KDM4A: variants seen among roughly 807,000 people sequenced by gnomAD.
The protein encoded by KDM4A is lysine-specific demethylase 4A.
Under a neutral mutation model 127.1 loss-of-function variants are expected in KDM4A, and 23 were observed. The ratio of observed to expected loss-of-function variants is 0.18; its 90% CI spans 0.13 to 0.26. The LOEUF is 0.26. KDM4A is among the 10% of genes least tolerant of loss of function. The pLI is 1.00. For synonymous variants in KDM4A, 443 were observed against 466.5 expected, an observed-to-expected ratio of 0.95 and a Z score of 0.65; for missense variants, 890 against 1,329.1, an observed-to-expected ratio of 0.67 and a Z score of 5.14.
In KDM4A at chr1:43,664,916, G is replaced by A. The variant is rs967473021; in HGVS notation, c.624-780G>A. 2.0e-5 allele frequency among the ~76,000 whole-genome samples: 3 copies of A among 152,140 alleles called. No homozygotes were observed. The East Asian group carries it at 5.8e-4, about 29-fold the overall frequency. On this transcript the variant is annotated intron_variant, in intron 5 of 21. Transcript: ENST00000372396. ...CCAGAGTCCTTTAGGTGACATTTTT[G>A]TCAACTCTTCTTCTCTGTTTTGTTT...
At chr1:43,656,147 G>T (rs1336362125) in intron 3 of KDM4A, among the ~76,000 whole-genome samples, 1 of 152,054 alleles carries the variant, frequency 6.6e-6, no homozygotes, top group Non-Finnish European at 1.5e-5. Flanking sequence ...GTGTTTAATT[G>T]TGCTGGAATT....
chr1:43,698,068 G>A (rs1340116021), intron 19 of KDM4A, 55 bp downstream of exon 19: 3 of 1,570,052 alleles, frequency 1.9e-6, no homozygotes, highest in Non-Finnish European at 2.6e-6. Context: ...TGTTTCTAAG[G>A]TCTGGCTGGC....
rs887691626 is a variant in KDM4A, at chr1:43,667,982, G to T, written c.1126G>T (p.Gly376Trp). 1 of 1,614,176 alleles carries T rather than the reference G, an allele frequency of 6.2e-7. No homozygotes were observed. ...GGAGTGCCCAGAGGAGGACATGGAA[G>T]GGGTGGAGGATGGAGAGGAAGGAGA... ...EEECPEEDME[G>W]VEDGEEGDLK... The change falls in exon 9 of 22, where the codon GGG (glycine) becomes TGG (tryptophan). Residue 376 changes from glycine to tryptophan, a missense_variant. Gly to Trp is a radical substitution (Grantham distance 184). Coordinates refer to ENST00000372396, the MANE Select transcript of KDM4A (RefSeq NM_014663.3).
rs1360180522 is a variant in KDM4A at position 43,686,493 on chromosome 1, C to A, written c.1856-2421C>A. On this transcript the variant is annotated intron_variant, in intron 12 of 21. Coordinates refer to ENST00000372396, the MANE Select transcript of KDM4A (RefSeq NM_014663.3). ...CTAGGATTACAGGTGTGTGCTACGA[C>A]GCCCAGCTAATTTTTGTATCTTTAG... Among the ~76,000 whole-genome samples the A allele has an allele frequency of 2.0e-5, 3 of 152,002 alleles. No individual in the cohort carries two copies. In the South Asian group the frequency reaches 6.2e-4, roughly 32 times the overall value.
In KDM4A at chr1:43,678,587, GT is replaced by G. The variant is rs35182358; in HGVS notation, c.1735-5079del. ...GACAGGAGGGGATGGCTGCAGATAG[GT>G]TTTTTTTTTTTTTTTTTGAGAAAAG... On this transcript the variant is annotated intron_variant, in intron 11 of 21. Transcript: ENST00000372396. Among the ~76,000 whole-genome samples, 1,249 of 134,494 alleles carry G rather than the reference GT, an allele frequency of 9.3e-3. 12 individuals are homozygous for G. Among genetic ancestry groups the G allele is most frequent in the African/African-American group, 0.026 (963 of 36,710 alleles). The allele number at this position is 134,494 out of a possible 152,430, so 88.2% of individuals were successfully genotyped here.
chr1:43,653,021 A>C, intron 1 of KDM4A, 116 bp from the exon 2 acceptor site: 1 of 532,334 alleles, frequency 1.9e-6, no homozygotes, highest in Non-Finnish European at 3.0e-6. Flanking sequence ...CCAGGTGTGA[A>C]GTCTTAACTG....
At chr1:43,659,874 T>C (rs1208172979) in intron 3 of KDM4A, among the ~76,000 whole-genome samples, 1 of 152,178 alleles carries the variant, frequency 6.6e-6, no homozygotes, top group Non-Finnish European at 1.5e-5. Flanking sequence ...TTTGGCTGGT[T>C]CAGGGAGGTG....
chr1:43,663,142 T>C, intron 5 of KDM4A, 55 bp downstream of exon 5: 1 of 1,498,336 alleles, frequency 6.7e-7, no homozygotes, highest in Non-Finnish European at 9.1e-7. Context: ...CGGGCTCATG[T>C]TCATTGTGCG....
chr1:43,658,511 T>TTG (rs955262620), intron 3 of KDM4A, among the ~76,000 whole-genome samples: 1 of 150,686 alleles, frequency 6.6e-6, no homozygotes, highest in African/African-American at 2.4e-5. Flanking sequence ...GATTTTTTTT[T>TTG]TTTTTTTTTT....
intron 19 of KDM4A, among the ~76,000 whole-genome samples, chr1:43,700,261 G>A (rs1222708996): frequency 6.6e-6 from 1 of 152,066 alleles, no homozygotes; most frequent in Non-Finnish European, 1.5e-5. Flanking sequence ...CCAAGTAGCT[G>A]GGACTACAGG....
intron 5 of KDM4A, among the ~76,000 whole-genome samples, chr1:43,663,942 C>T (rs544837714): frequency 6.6e-6 from 1 of 152,210 alleles, no homozygotes; most frequent in South Asian, 2.1e-4. Context: ...CCCATCTCAG[C>T]ATTTTAGTGA....
chr1:43,672,528 T>A (rs1189195463), intron 11 of KDM4A, among the ~76,000 whole-genome samples: 1 of 146,566 alleles, frequency 6.8e-6, no homozygotes, highest in East Asian at 2.0e-4. Flanking sequence ...GGGGTCTCGC[T>A]CTGTTGCCCA....
At chr1:43,697,750 T>C in intron 18 of KDM4A, 93 bp from the exon 19 acceptor site, 1 of 1,208,448 alleles carries the variant, frequency 8.3e-7, no homozygotes, top group Non-Finnish European at 1.2e-6. Flanking sequence ...TGCTTATCTT[T>C]CCCTGATAAG....
chr1:43,683,262 G>A (rs536837666), intron 11 of KDM4A, among the ~76,000 whole-genome samples: 1 of 152,350 alleles, frequency 6.6e-6, no homozygotes, highest in South Asian at 2.1e-4. Context: ...TGGCCCAGCT[G>A]CCTGGCACAT....
At chr1:43,669,590 G>A (rs1181685220) in intron 10 of KDM4A, among the ~76,000 whole-genome samples, 3 of 152,050 alleles carry the variant, frequency 2.0e-5, no homozygotes, top group Non-Finnish European at 4.4e-5. Flanking sequence ...AGAGAGAGAG[G>A]AGGGATGTAG....
intron 3 of KDM4A, among the ~76,000 whole-genome samples, chr1:43,656,299 AG>A (rs1660236787): frequency 8.5e-6 from 1 of 117,386 alleles, no homozygotes; most frequent in Non-Finnish European, 1.8e-5. Flanking sequence ...TTCTTTGTGT[AG>A]GCCTGTTTTC....
At chr1:43,683,651 CA>C in intron 11 of KDM4A, 32 bp from the exon 12 acceptor site, 5 of 1,605,714 alleles carry the variant, frequency 3.1e-6, no homozygotes, top group Non-Finnish European at 4.3e-6. Context: ...CAAGTGGAGA[CA>C]AGACCAATTT....
chr1:43,690,016 T>G (rs894382958), intron 13 of KDM4A, among the ~76,000 whole-genome samples: 2 of 152,248 alleles, frequency 1.3e-5, no homozygotes, highest in Non-Finnish European at 2.9e-5. Context: ...GTTGACATCT[T>G]TCTGGGCCTC....
chr1:43,698,879 C>T (rs115175820), intron 19 of KDM4A, among the ~76,000 whole-genome samples: 2,026 of 152,228 alleles, frequency 0.013, 52 homozygotes, highest in African/African-American at 0.047. Flanking sequence ...GCCTCAACTT[C>T]CTGGATTGAG....
Sources: gnomAD v4.1 joint callset for allele counts (sites outside exome capture counted in the v4.1 genomes callset) on GRCh38, gnomAD v4.1.1 for gene constraint, MANE v1.5 for transcripts, NCBI Gene and HGNC (gene_info 2026-07-23, HGNC 2026-07-21) for gene names.